The following ZNF180 variants were observed in gnomAD, a reference collection of about 807,000 sequenced individuals.
ZNF180 encodes zinc finger protein 180 (HHZ168).
ZNF180 carries 11 observed loss-of-function variants against 11.8 expected under a neutral mutation model. That is an observed-to-expected ratio of 0.93 (90% CI 0.59 to 1.55). ZNF180 has a LOEUF of 1.55. Among genes scored for constraint, ZNF180 ranks in the 40% most tolerant of loss-of-function variants. The pLI, the probability that ZNF180 is intolerant of heterozygous loss-of-function variation, is 0.00. For synonymous variants in ZNF180, 287 were observed against 257.7 expected (o/e 1.11, Z -1.09); for missense variants, 773 against 781.7 (o/e 0.99, Z 0.13).
At chr19:44,478,323 C>A (rs969896881) in intron 4 of ZNF180, among the ~76,000 whole-genome samples, 177 bp from the exon 5 acceptor site, 1 of 152,136 alleles carries the variant, frequency 6.6e-6, no homozygotes, top group Non-Finnish European at 1.5e-5. Flanking sequence ...ACTACCACAG[C>A]CCAATATTAC....
chr19:44,477,231 G>A lies in ZNF180; in HGVS notation c.1169C>T (p.Ser390Phe), dbSNP rs370092360. The A allele has an allele frequency of 3.7e-6, 6 of 1,614,010 alleles. No individual in the cohort carries two copies. In the African/African-American group the frequency reaches 8.0e-5, roughly 22 times the overall value. ...KPYRCNQCGK[S>F]FSQSYVLVVH... ...AACAAGGACATAACTCTGGCTAAAG[G>A]ATTTCCCACATTGATTACACCTGTA... The change falls in exon 5 of 5, where the codon TCC becomes TTC. Residue 390 changes from serine (S) to phenylalanine (F), a missense_variant. Ser to Phe is a radical substitution (Grantham distance 155, BLOSUM62 -2). Coordinates refer to ENST00000592529, the MANE Select transcript of ZNF180 (RefSeq NM_001278509.3).
chr19:44,492,141 C>G (rs1166130819), intron 2 of ZNF180, among the ~76,000 whole-genome samples: 1 of 152,112 alleles, frequency 6.6e-6, no homozygotes, highest in Non-Finnish European at 1.5e-5. Flanking sequence ...CTTTACTATA[C>G]CAGTAAAATT....
chr19:44,476,996 G>A lies in ZNF180; in HGVS notation c.1404C>T (p.Cys468=), dbSNP rs1600064810. 6.2e-7 allele frequency: 1 copy of A among 1,612,932 alleles called. No individual in the cohort carries two copies. Among genetic ancestry groups the A allele is most frequent in the Non-Finnish European group, 8.5e-7 (1 of 1,179,698 alleles). Residue 468 remains cysteine (C), a synonymous_variant, in exon 5 of 5, where the codon TGC becomes TGT. Coordinates refer to ENST00000592529, the MANE Select transcript of ZNF180 (RefSeq NM_001278509.3). ...RIHTGEKPYE[C]NQCGKSFSQS... ...GACTAAAGGATTTCCCACACTGATT[G>A]CATTCATAGGGTTTTTCCCCAGTAT...
At chr19:44,485,616 G>T (rs994087540) in intron 2 of ZNF180, among the ~76,000 whole-genome samples, 2 of 152,206 alleles carry the variant, frequency 1.3e-5, no homozygotes, top group African/African-American at 2.4e-5. Flanking sequence ...CACTGGCCAA[G>T]AGCTTCATAT....
In ZNF180 at chr19:44,477,752, C is replaced by A. The variant is rs752298773; in HGVS notation, c.648G>T (p.Glu216Asp). 6.2e-7 allele frequency: 1 copy of A among 1,613,944 alleles called. No homozygotes were observed. Among genetic ancestry groups the A allele is most frequent in the Non-Finnish European group, 8.5e-7 (1 of 1,179,954 alleles). The part of the protein sequence containing the change: ...VNSHQKINEN[E>D]TLYENNECGK... ...CACATTCATTATTTTCATATAGTGT[C>A]TCATTCTCATTAATCTTCTGATGAC... Residue 216 changes from glutamate to aspartate, a missense_variant, in exon 5 of 5, where the codon GAG becomes GAT. Coordinates refer to ENST00000592529, the MANE Select transcript of ZNF180 (RefSeq NM_001278509.3).
At chr19:44,487,294 A>G (rs539965836) in intron 2 of ZNF180, among the ~76,000 whole-genome samples, 5 of 152,346 alleles carry the variant, frequency 3.3e-5, no homozygotes, top group Admixed American at 6.5e-5. Flanking sequence ...ACACCACTGT[A>G]TATTTACTGG....
chr19:44,496,747 TAC>T (rs1970598048), intron 2 of ZNF180: 1 of 147,692 alleles, frequency 6.8e-6, no homozygotes, highest in African/African-American at 2.5e-5. Flanking sequence ...ATAAAACAAC[TAC>T]AGATAATGTT....
intron 2 of ZNF180, among the ~76,000 whole-genome samples, chr19:44,492,055 C>T (rs569412777): frequency 2.6e-5 from 4 of 152,338 alleles, no homozygotes; most frequent in African/African-American, 9.6e-5. Flanking sequence ...TCAAATGCCA[C>T]CTCCTCCATG....
At chr19:44,485,521 C>T (rs1970207168) in intron 2 of ZNF180, among the ~76,000 whole-genome samples, 1 of 152,194 alleles carries the variant, frequency 6.6e-6, no homozygotes, top group Non-Finnish European at 1.5e-5. Flanking sequence ...AAGCCCTGTA[C>T]ATAACCAACA....
chr19:44,497,609 GCCCCTGGACC>G (rs1201615912), intron 1 of ZNF180, among the ~76,000 whole-genome samples: 1 of 151,986 alleles, frequency 6.6e-6, no homozygotes, highest in Non-Finnish European at 1.5e-5. Flanking sequence ...ACCATCTTGG[GCCCCTGGACC>G]ATCTACCTGT....
rs1970467101 is a variant in ZNF180 at position 44,492,249 on chromosome 19, C to T, written c.51+5035G>A. Reference sequence around the variant, plus strand: ...GTATTTTTTATCTTTGTATTCTCCTCAGTATTGAGTAGGAGCACAATAAAA... The same window carrying T: ...GTATTTTTTATCTTTGTATTCTCCTTAGTATTGAGTAGGAGCACAATAAAA... On this transcript the variant is annotated intron_variant, in intron 2 of 4. Coordinates refer to ENST00000592529, the MANE Select transcript of ZNF180 (RefSeq NM_001278509.3). Among the ~76,000 whole-genome samples the T allele has an allele frequency of 2.0e-5, 3 of 152,172 alleles. No individual in the cohort carries two copies. The South Asian group carries it at 6.2e-4, about 32-fold the overall frequency.
At chr19:44,488,172 CTCTCCTTCTCTTTCCACGG>C (rs1970290640) in intron 2 of ZNF180, among the ~76,000 whole-genome samples, 11 of 73,674 alleles carry the variant, frequency 1.5e-4, no homozygotes, top group Non-Finnish European at 2.7e-4. Flanking sequence ...CACGGTCTCC[CTCTCCTTCTCTTTCCACGG>C]TCTCCCTCTC....
chr19:44,497,471 T>C, intron 1 of ZNF180, 94 bp from the exon 2 acceptor site: 1 of 1,263,556 alleles, frequency 7.9e-7, no homozygotes, highest in South Asian at 1.4e-5. Flanking sequence ...GGATGCAGGA[T>C]GCATTCCCAT....
At chr19:44,479,158 G>T in intron 4 of ZNF180, 125 bp downstream of exon 4, 1 of 1,143,844 alleles carries the variant, frequency 8.7e-7, no homozygotes, top group Non-Finnish European at 1.2e-6. Context: ...GGGGAATAAA[G>T]AGCACAAACA....
At chr19:44,489,849 GAA>G (rs1274758360) in intron 2 of ZNF180, among the ~76,000 whole-genome samples, 3 of 112,640 alleles carry the variant, frequency 2.7e-5, no homozygotes, top group African/African-American at 9.3e-5. Flanking sequence ...GAAGAGATGA[GAA>G]GAGAAGAACA....
At chr19:44,497,549 C>G (rs1291338723) in intron 1 of ZNF180, among the ~76,000 whole-genome samples, 172 bp from the exon 2 acceptor site, 3 of 152,092 alleles carry the variant, frequency 2.0e-5, no homozygotes, top group Non-Finnish European at 4.4e-5. Context: ...CTGAGAGTCC[C>G]TCAGTCCCTC....
chr19:44,487,336 G>A (rs1393381701), intron 2 of ZNF180, among the ~76,000 whole-genome samples: 1 of 152,216 alleles, frequency 6.6e-6, no homozygotes, highest in Non-Finnish European at 1.5e-5. Context: ...AAGTATCAAA[G>A]AGCCAGAGCT....
chr19:44,479,222 C>A (rs539150522), intron 4 of ZNF180, 61 bp downstream of exon 4: 4 of 1,577,730 alleles, frequency 2.5e-6, no homozygotes, highest in Non-Finnish European at 3.4e-6. Context: ...AGTTCTTAAT[C>A]GATCAGAATG....
intron 2 of ZNF180, among the ~76,000 whole-genome samples, chr19:44,488,054 C>A (rs1346861296): frequency 7.0e-6 from 1 of 142,122 alleles, no homozygotes; most frequent in Non-Finnish European, 1.5e-5. Flanking sequence ...GACGCCCTCG[C>A]CCTCGCCCTT....
Sources: allele counts gnomAD v4.1 joint callset (sites outside exome capture counted in the v4.1 genomes callset), GRCh38; gene constraint gnomAD v4.1.1; transcripts MANE v1.5; gene names NCBI Gene and HGNC (gene_info 2026-07-23, HGNC 2026-07-21).